CDH23: variants seen among roughly 807,000 people sequenced by gnomAD.
The protein encoded by CDH23 is cadherin related 23, also known as cadherin-23.
Under a neutral mutation model 317.1 loss-of-function variants are expected in CDH23, and 189 were observed. That is an observed-to-expected ratio of 0.60 (90% CI 0.53 to 0.67). The LOEUF is 0.67. Ranked by LOEUF, CDH23 falls within the 30% of genes least tolerant of loss-of-function variation. The probability of loss-of-function intolerance (pLI) is 0.00; values close to 1 mark genes in which losing one functional copy is unlikely to be tolerated. For synonymous variants in CDH23, 1,839 were observed against 1,876.8 expected, an observed-to-expected ratio of 0.98 and a Z score of 0.52; for missense variants, 4,401 against 4,592.4, an observed-to-expected ratio of 0.96 and a Z score of 1.20.
chr10:71,495,011 C>T (rs1009308641), intron 3 of CDH23, among the ~76,000 whole-genome samples: 4 of 152,138 alleles, frequency 2.6e-5, no homozygotes, highest in Admixed American at 2.6e-4. Flanking sequence ...CTGGGGCCTT[C>T]GGAGGGTGGG....
chr10:71,510,701 A>T (rs929298340), intron 4 of CDH23, among the ~76,000 whole-genome samples: 6 of 152,170 alleles, frequency 3.9e-5, no homozygotes, highest in African/African-American at 1.4e-4. Context: ...AGCATCTTAG[A>T]GGCAGAGCCA....
intron 14 of CDH23, among the ~76,000 whole-genome samples, chr10:71,665,401 G>T (rs1564718983): frequency 6.6e-6 from 1 of 152,200 alleles, no homozygotes; most frequent in Admixed American, 6.5e-5. Context: ...CCCTGGAGTT[G>T]TAGTCAGAGT....
intron 3 of CDH23, among the ~76,000 whole-genome samples, chr10:71,462,847 C>T (rs1851070872): frequency 6.6e-6 from 1 of 152,204 alleles, no homozygotes; most frequent in Non-Finnish European, 1.5e-5. Flanking sequence ...CTAGGTCGGC[C>T]TCAGTCCCCA....
At chr10:71,734,750 C>T (rs1472105009) in intron 34 of CDH23, 92 bp downstream of exon 34, 21 of 823,312 alleles carry the variant, frequency 2.6e-5, no homozygotes, top group Non-Finnish European at 3.2e-5. Flanking sequence ...CCCACCTCTC[C>T]CAGAGAGAAG....
intron 30 of CDH23, among the ~76,000 whole-genome samples, chr10:71,728,275 G>T (rs1312248619): frequency 6.6e-6 from 1 of 151,770 alleles, no homozygotes; most frequent in Non-Finnish European, 1.5e-5. Flanking sequence ...GAACAGCTGT[G>T]CTCTGGAGTG....
intron 33 of CDH23, 64 bp downstream of exon 33, chr10:71,734,405 C>A: frequency 6.6e-6 from 10 of 1,517,430 alleles, no homozygotes; most frequent in Non-Finnish European, 9.0e-6. Flanking sequence ...CACTTCCTAA[C>A]CCATGTCCTC....
intron 26 of CDH23, 91 bp downstream of exon 26, chr10:71,707,140 G>A (rs1865823099): frequency 6.4e-7 from 1 of 1,551,598 alleles, no homozygotes. Context: ...GTGGGGGCAG[G>A]TGAGGGTGGA....
intron 11 of CDH23, among the ~76,000 whole-genome samples, chr10:71,633,123 CA>C (rs1275057248): frequency 6.6e-6 from 1 of 152,010 alleles, no homozygotes; most frequent in Non-Finnish European, 1.5e-5. Flanking sequence ...CCCATTAATC[CA>C]CTAATCCATG....
intron 3 of CDH23, among the ~76,000 whole-genome samples, chr10:71,456,454 C>T (rs1406954586): frequency 6.9e-6 from 1 of 145,484 alleles, no homozygotes; most frequent in Non-Finnish European, 1.5e-5. Context: ...TGTAGCCACT[C>T]CCAAGCGGTC....
chr10:71,761,487 G>A (rs1300535595), intron 38 of CDH23: 2 of 1,284,732 alleles, frequency 1.6e-6, no homozygotes, highest in East Asian at 2.5e-5. Context: ...TGGAGTGCCA[G>A]TGTTACCCAT....
At chr10:71,584,235 G>A (rs890323927) in intron 9 of CDH23, among the ~76,000 whole-genome samples, 8 of 152,164 alleles carry the variant, frequency 5.3e-5, no homozygotes, top group Admixed American at 2.6e-4. Flanking sequence ...AAGCAATTAC[G>A]TAAAAATGTC....
Position 71,765,827 on chromosome 10 carries a change from T to C in CDH23, c.4846-11853T>C, listed in dbSNP as rs533025259. 2.0e-5 allele frequency among the ~76,000 whole-genome samples: 3 copies of C among 152,056 alleles called. No homozygotes were observed. The East Asian group carries it at 5.8e-4, about 30-fold the overall frequency. Reference sequence around the variant, plus strand: ...CAAGTTTGGGGAGCAGGGGAGGATGTTCAGTTTTCAAGCAAGAGGGCCAGA... The same window carrying C: ...CAAGTTTGGGGAGCAGGGGAGGATGCTCAGTTTTCAAGCAAGAGGGCCAGA... On this transcript the variant is annotated intron_variant, in intron 38 of 69. Transcript: ENST00000224721.
intron 30 of CDH23, among the ~76,000 whole-genome samples, chr10:71,729,319 G>GT (rs1282016414): frequency 2.0e-5 from 3 of 152,226 alleles, no homozygotes; most frequent in Non-Finnish European, 2.9e-5. Context: ...AAAGTAATGT[G>GT]TAAGAAGCGC....
At chr10:71,693,979 T>C (rs1589341972) in intron 20 of CDH23, among the ~76,000 whole-genome samples, 168 bp from the exon 21 acceptor site, 1 of 152,096 alleles carries the variant, frequency 6.6e-6, no homozygotes, top group East Asian at 1.9e-4. Flanking sequence ...CGTCTCCCAC[T>C]GTGAGCACCA....
chr10:71,710,756 T>C (rs1392606867), intron 27 of CDH23, among the ~76,000 whole-genome samples: 2 of 152,200 alleles, frequency 1.3e-5, no homozygotes, highest in Non-Finnish European at 2.9e-5. Context: ...CACCAGCCCA[T>C]GCAAGGGCCT....
chr10:71,634,084 T>C (rs559345388), intron 11 of CDH23, among the ~76,000 whole-genome samples: 3 of 152,248 alleles, frequency 2.0e-5, no homozygotes, highest in East Asian at 1.9e-4. Context: ...CAGCTGCAGA[T>C]TGGGAGAGCC....
At chr10:71,467,012 C>T (rs16928911) in intron 3 of CDH23, among the ~76,000 whole-genome samples, 1,788 of 152,204 alleles carry the variant, frequency 0.012, 81 homozygotes, top group East Asian at 0.12. Context: ...GTGTGCTCTA[C>T]TCAGGGTTGT....
At chr10:71,502,935 G>A (rs377602872) in intron 3 of CDH23, among the ~76,000 whole-genome samples, 9 of 152,286 alleles carry the variant, frequency 5.9e-5, no homozygotes, top group Admixed American at 2.0e-4. Context: ...TTTCTGGCCC[G>A]CCCCTCATCT....
intron 2 of CDH23, among the ~76,000 whole-genome samples, chr10:71,443,368 G>T (rs1849992276): frequency 6.6e-6 from 1 of 152,204 alleles, no homozygotes; most frequent in Admixed American, 6.5e-5. Context: ...CCCAGATCAG[G>T]TCCCCTGGAT....
Sources: gnomAD v4.1 joint callset for allele counts (sites outside exome capture counted in the v4.1 genomes callset) on GRCh38, gnomAD v4.1.1 for gene constraint, MANE v1.5 for transcripts, NCBI Gene and HGNC (gene_info 2026-07-23, HGNC 2026-07-21) for gene names.